Variants in PDE1C observed in about 807,000 individuals in gnomAD.
PDE1C encodes dual specificity calcium/calmodulin-dependent 3',5'-cyclic nucleotide phosphodiesterase 1C.
A neutral mutation model predicts 93.1 loss-of-function variants in PDE1C; 62 were observed. The ratio of observed to expected loss-of-function variants is 0.67; its 90% CI spans 0.54 to 0.82. The LOEUF (loss-of-function observed/expected upper bound fraction) is 0.82, where lower values mean the gene tolerates loss of function less well. Ranked by LOEUF, PDE1C falls within the 40% of genes least tolerant of loss-of-function variation. PDE1C has a pLI of 0.00. For missense variants in PDE1C, 742 were observed against 884.6 expected (o/e 0.84, Z 2.04); for synonymous variants, 325 against 310.1 (o/e 1.05, Z -0.50).
intron 2 of PDE1C, among the ~76,000 whole-genome samples, chr7:31,996,318 A>G (rs1784725304): frequency 6.7e-6 from 1 of 150,248 alleles, no homozygotes; most frequent in Non-Finnish European, 1.5e-5. Context: ...TACAGGCCTG[A>G]AAGACTTAAT....
chr7:32,340,616 TAAAC>T lies in PDE1C; in HGVS notation c.310+87202_310+87205del, dbSNP rs940528401. Among the ~76,000 whole-genome samples the T allele has an allele frequency of 1.5e-3, 234 of 152,292 alleles. 2 individuals carry two copies. The highest frequency in any genetic ancestry group is 5.3e-3 in the African/African-American group (220 of 41,548). On this transcript the variant is annotated intron_variant, in intron 1 of 1. Coordinates refer to the PDE1C transcript ENST00000672256. ...TTTGTGTTTTTAAAAAATGCTCTGA[TAAAC>T]AAACTGTGTTATATCCAGACAATGG...
chr7:31,874,507 A>G (rs558593789), intron 5 of PDE1C, among the ~76,000 whole-genome samples: 1 of 152,216 alleles, frequency 6.6e-6, no homozygotes, highest in African/African-American at 2.4e-5. Context: ...CTCTCACCCC[A>G]GCCCTCACTG....
intron 2 of PDE1C, among the ~76,000 whole-genome samples, chr7:31,905,022 G>A (rs747179488): frequency 6.6e-6 from 1 of 152,024 alleles, no homozygotes; most frequent in Non-Finnish European, 1.5e-5. Flanking sequence ...GGAGAATACA[G>A]GTGAAGCTGA....
At chr7:32,032,855 A>G (rs1790520722) in intron 2 of PDE1C, among the ~76,000 whole-genome samples, 1 of 152,128 alleles carries the variant, frequency 6.6e-6, no homozygotes, top group African/African-American at 2.4e-5. Context: ...TCCCCAGATG[A>G]TCACATTAAA....
intron 15 of PDE1C, among the ~76,000 whole-genome samples, chr7:31,810,195 C>G (rs181377837): frequency 2.6e-5 from 4 of 152,212 alleles, no homozygotes; most frequent in Non-Finnish European, 5.9e-5. Context: ...GGTCAGGGGC[C>G]TCTTCACCCA....
At chr7:32,418,800 C>T (rs1785327900) in intron 1 of PDE1C, among the ~76,000 whole-genome samples, 1 of 152,164 alleles carries the variant, frequency 6.6e-6, no homozygotes, top group Non-Finnish European at 1.5e-5. Context: ...CCAGACAGGG[C>T]ATGAAAAACT....
chr7:32,402,166 C>T (rs1212073338), intron 1 of PDE1C, among the ~76,000 whole-genome samples: 1 of 152,064 alleles, frequency 6.6e-6, no homozygotes, highest in African/African-American at 2.4e-5. Flanking sequence ...GCTCTAACAA[C>T]CACATTCTAC....
chr7:31,742,649 A>G, the PDE1C span, among the ~76,000 whole-genome samples: 1 of 152,260 alleles, frequency 6.6e-6, no homozygotes, highest in African/African-American at 2.4e-5. Flanking sequence ...AGATTAATTC[A>G]CGGAACCCAC....
intron 12 of PDE1C, among the ~76,000 whole-genome samples, chr7:31,825,901 C>G (rs915231063): frequency 3.8e-5 from 5 of 131,054 alleles, no homozygotes; most frequent in Non-Finnish European, 1.6e-5. Context: ...CTTTGAGGTA[C>G]AGGGGGGCAC....
At chr7:32,139,300 C>CTTTTTTTTTTTTT (rs34277412) in intron 3 of PDE1C, among the ~76,000 whole-genome samples, 1 of 82,922 alleles carries the variant, frequency 1.2e-5, no homozygotes, top group Non-Finnish European at 2.2e-5. Context: ...CAAAATCAAC[C>CTTTTTTTTTTTTT]TTTTTTTTTT....
the PDE1C span, among the ~76,000 whole-genome samples, chr7:31,738,659 C>T: frequency 3.3e-5 from 5 of 152,152 alleles, no homozygotes; most frequent in South Asian, 4.1e-4. Flanking sequence ...AGCACCAAGC[C>T]GCCATGGGCC....
At chr7:32,046,870 C>CT (rs947784438) in intron 2 of PDE1C, among the ~76,000 whole-genome samples, 3 of 152,066 alleles carry the variant, frequency 2.0e-5, no homozygotes, top group Non-Finnish European at 2.9e-5. Flanking sequence ...CCTGGTATGG[C>CT]TTTTTTAAGC....
At chr7:31,701,916 G>A in the PDE1C span, among the ~76,000 whole-genome samples, 5 of 152,194 alleles carry the variant, frequency 3.3e-5, no homozygotes, top group Non-Finnish European at 5.9e-5. Context: ...ATGTGCAATG[G>A]GAAACCAAAA....
At chr7:31,637,713 A>T in the PDE1C span, among the ~76,000 whole-genome samples, 1 of 152,016 alleles carries the variant, frequency 6.6e-6, no homozygotes, top group African/African-American at 2.4e-5. Context: ...GGTAGTTTCT[A>T]TTGCTGTGCA....
chr7:31,775,709 A>G lies in PDE1C; in HGVS notation c.1915T>C (p.Ser639Pro). 4 of 1,612,862 alleles carry G rather than the reference A, an allele frequency of 2.5e-6. No homozygotes were observed. Among genetic ancestry groups the G allele is most frequent in the South Asian group, 1.1e-5 (1 of 91,088 alleles). The change falls in exon 17 of 18, where the codon TCA becomes CCA. Residue 639 changes from serine (S) to proline (P), a missense_variant. By Grantham distance (74) the Ser-to-Pro change is moderately conservative. Coordinates refer to ENST00000396191, the MANE Select transcript of PDE1C (RefSeq NM_001191057.4). Reference protein sequence around the residue: ...TDGTKQRSHGSPAPSTSSTCR... With the variant: ...TDGTKQRSHGPPAPSTSSTCR... ...GTGGAGCTGGTGCTTGGGGCTGGTG[A>G]GCCGTGAGAACGCTGTTTTGTGCCT... is the stretch of plus-strand genomic sequence containing the variant.
chr7:32,186,172 G>C (rs1241238000), intron 2 of PDE1C, among the ~76,000 whole-genome samples: 5 of 145,646 alleles, frequency 3.4e-5, no homozygotes, highest in Non-Finnish European at 4.5e-5. Context: ...GCGCAATCTC[G>C]GCTCACTGCA....
intron 8 of PDE1C, 24 bp downstream of exon 8, chr7:31,850,617 T>C (rs555812507): frequency 1.0e-5 from 16 of 1,529,262 alleles, no homozygotes; most frequent in Admixed American, 6.7e-5. Context: ...CTTGCCTCTC[T>C]TCCAAACATT....
At chr7:32,020,718 C>T (rs888515055) in intron 2 of PDE1C, among the ~76,000 whole-genome samples, 4 of 151,928 alleles carry the variant, frequency 2.6e-5, no homozygotes. Context: ...CAAACAAGGC[C>T]CAAAAGAGTT....
At chr7:31,953,075 T>C (rs569961849) in intron 2 of PDE1C, among the ~76,000 whole-genome samples, 63 of 152,322 alleles carry the variant, frequency 4.1e-4, no homozygotes, top group African/African-American at 1.4e-3. Context: ...AATATCATGT[T>C]GTTGGGTTGA....
Sources: allele counts gnomAD v4.1 joint callset (sites outside exome capture counted in the v4.1 genomes callset), GRCh38; gene constraint gnomAD v4.1.1; transcripts MANE v1.5; gene names NCBI Gene and HGNC (gene_info 2026-07-23, HGNC 2026-07-21).